Variants in CEP120 observed in about 807,000 individuals in gnomAD.
CEP120 encodes centrosomal protein 120, also known as centrosomal protein of 120 kDa.
CEP120 carries 113 observed loss-of-function variants against 126.5 expected under a neutral mutation model. The observed-to-expected ratio is 0.89, with a 90% CI of 0.77 to 1.04. The LOEUF (loss-of-function observed/expected upper bound fraction) is 1.04. CEP120 is among the 50% of genes least tolerant of loss of function. The pLI is 0.00. For synonymous variants in CEP120, 400 were observed against 394.3 expected (o/e 1.01, Z -0.17); for missense variants, 1,230 against 1,155.7 (o/e 1.06, Z -0.93).
Position 123,391,376 on chromosome 5 carries a change from T to C in CEP120, c.811-39A>G. The C allele has an allele frequency of 8.0e-6, 11 of 1,382,084 alleles. No homozygotes were observed. The Middle Eastern group carries it at 7.3e-4, about 92-fold the overall frequency. 85.6% of individuals were successfully genotyped at this position (1,382,084 alleles called of 1,614,324 possible). On this transcript the variant is annotated intron_variant, in intron 6 of 19. Coordinates refer to ENST00000306467, the MANE Select transcript of CEP120 (RefSeq NM_001375405.1). ...GAAAAATCAAAATAGGGCTTTATAC[T>C]TTCTCCTTTCTCCTAAATATCATAA...
At position 123,346,326 on chromosome 5, in the gene CEP120, CAAAT is replaced by C; in HGVS notation, c.*189_*192del. Reference sequence around the variant, plus strand: ...AAAATGAGTATATAAATGCAAATTACAAATAAAACCAGTGTGGGAGAGGTAGCAT... The same window carrying C: ...AAAATGAGTATATAAATGCAAATTACAAAACCAGTGTGGGAGAGGTAGCAT... On this transcript the variant is annotated 3_prime_UTR_variant, in exon 20 of 20. Coordinates refer to ENST00000306467, the MANE Select transcript of CEP120 (RefSeq NM_001375405.1). 1 of 449,240 alleles carries C rather than the reference CAAAT, an allele frequency of 2.2e-6. No individual in the cohort carries two copies. Among genetic ancestry groups the C allele is most frequent in the Non-Finnish European group, 3.9e-6 (1 of 256,608 alleles). The allele number at this position is 449,240 out of a possible 1,614,324, so 27.8% of individuals were successfully genotyped here. A position where few individuals can be genotyped will look rare whatever the true frequency, so the allele number is the denominator to read the frequency against.
intron 13 of CEP120, 137 bp from the exon 14 acceptor site, chr5:123,382,337 A>T: frequency 2.3e-6 from 1 of 434,804 alleles, no homozygotes; most frequent in African/African-American, 2.1e-5. Context: ...AAAAAAAAAA[A>T]AAAAAAAAGG....
In CEP120 at chr5:123,377,549, C is replaced by T. The variant is rs564610660; in HGVS notation, c.2197-14G>A. The T allele has an allele frequency of 1.2e-4, 187 of 1,567,390 alleles. 2 individuals are homozygous for T. The South Asian group carries it at 2.2e-3, about 18-fold the overall frequency. On this transcript the variant is annotated splice_polypyrimidine_tract_variant and intron_variant, in intron 15 of 19. Coordinates refer to ENST00000306467, the MANE Select transcript of CEP120 (RefSeq NM_001375405.1). Reference sequence around the variant, plus strand: ...TTCTCTTTGAAGCTTAAAACAAAGGCATCTTTAAGAGGTTGGTTTATTGCT... The same window carrying T: ...TTCTCTTTGAAGCTTAAAACAAAGGTATCTTTAAGAGGTTGGTTTATTGCT...
Position 123,386,995 on chromosome 5 carries a change from G to C in CEP120, c.1431-328C>G, listed in dbSNP as rs191806966. Among the ~76,000 whole-genome samples, 157 of 152,160 alleles carry C rather than the reference G, an allele frequency of 1.0e-3. 2 individuals are homozygous for C. The highest frequency in any genetic ancestry group is 3.4e-3 in the African/African-American group (142 of 41,538). On this transcript the variant is annotated intron_variant, in intron 9 of 19. Transcript: ENST00000306467. ...TTTTTTATGGGATAAAAAGCCCTTA[G>C]TCAACTCCAAAAGGATGCATTCATG...
At chr5:123,370,700 C>T (rs1770795025) in intron 17 of CEP120, among the ~76,000 whole-genome samples, 1 of 147,852 alleles carries the variant, frequency 6.8e-6, no homozygotes, top group African/African-American at 2.5e-5. Flanking sequence ...TATATATACA[C>T]ATATATACCT....
chr5:123,355,228 T>C (rs1450555854), intron 18 of CEP120, among the ~76,000 whole-genome samples: 1 of 152,178 alleles, frequency 6.6e-6, no homozygotes, highest in Non-Finnish European at 1.5e-5. Flanking sequence ...CTATTGTGAA[T>C]AGTGCCACAA....
rs573917739 is a variant in CEP120, at chr5:123,376,484, G to A, written c.2358+890C>T. Reference sequence around the variant, plus strand: ...GCCTGCAGGACAAGGCAATGATTCTGATCTTTTTCCTATGAGCAACAAGAC... The same window carrying A: ...GCCTGCAGGACAAGGCAATGATTCTAATCTTTTTCCTATGAGCAACAAGAC... On this transcript the variant is annotated intron_variant, in intron 16 of 19. Coordinates refer to ENST00000306467, the MANE Select transcript of CEP120 (RefSeq NM_001375405.1). Among the ~76,000 whole-genome samples, 45 of 152,232 alleles carry A rather than the reference G, an allele frequency of 3.0e-4. No homozygotes were observed. The South Asian group carries it at 9.1e-3, about 31-fold the overall frequency.
At chr5:123,407,973 CAA>C (rs1174444515) in intron 4 of CEP120, among the ~76,000 whole-genome samples, 1 of 152,050 alleles carries the variant, frequency 6.6e-6, no homozygotes, top group Non-Finnish European at 1.5e-5. Context: ...AAAAAAATCT[CAA>C]GAGAAATTTA....
chr5:123,372,974 T>G (rs1406864909), intron 16 of CEP120, among the ~76,000 whole-genome samples: 3 of 152,076 alleles, frequency 2.0e-5, no homozygotes, highest in African/African-American at 7.2e-5. Context: ...CAAAAACTTT[T>G]GAAGAGTATG....
At chr5:123,405,149 A>C (rs1039856230) in intron 4 of CEP120, among the ~76,000 whole-genome samples, 3 of 152,226 alleles carry the variant, frequency 2.0e-5, no homozygotes, top group African/African-American at 7.2e-5. Context: ...AAAACTAAGG[A>C]AACAGACAGG....
rs1745174416 is a variant in CEP120 at position 123,372,900 on chromosome 5, TA to T, written c.2359-129del. Reference sequence around the variant, plus strand: ...CATAGTAGAAAATCTGGAAAACTGATAAAGTACAATGAGGAAAATAAAGATC... The same window carrying T: ...CATAGTAGAAAATCTGGAAAACTGATAAGTACAATGAGGAAAATAAAGATC... On this transcript the variant is annotated intron_variant, in intron 16 of 19. Transcript: ENST00000306467. 1.6e-5 allele frequency: 11 copies of T among 692,510 alleles called. No homozygotes were observed. The East Asian group carries it at 3.3e-4, about 21-fold the overall frequency. The allele number at this position is 692,510 out of a possible 1,614,324, so 42.9% of individuals were successfully genotyped here. A position where few individuals can be genotyped will look rare whatever the true frequency, so the allele number is the denominator to read the frequency against.
chr5:123,360,653 G>A (rs1770005130), intron 18 of CEP120, among the ~76,000 whole-genome samples: 1 of 57,278 alleles, frequency 1.7e-5, no homozygotes, highest in Admixed American at 1.8e-4. Context: ...TGCTTTTTGG[G>A]CAAGAGGGTA....
intron 17 of CEP120, among the ~76,000 whole-genome samples, chr5:123,370,185 T>G (rs1217513603): frequency 6.6e-6 from 1 of 152,034 alleles, no homozygotes; most frequent in Non-Finnish European, 1.5e-5. Flanking sequence ...TAGGTTGCAT[T>G]ATGGTAGCTC....
At chr5:123,365,779 A>C (rs1770414008) in intron 17 of CEP120, among the ~76,000 whole-genome samples, 1 of 151,538 alleles carries the variant, frequency 6.6e-6, no homozygotes, top group Non-Finnish European at 1.5e-5. Flanking sequence ...GAAAAGAAAA[A>C]AATATTTTTA....
intron 8 of CEP120, among the ~76,000 whole-genome samples, chr5:123,389,561 C>T (rs977498614): frequency 3.3e-5 from 5 of 152,280 alleles, no homozygotes; most frequent in South Asian, 4.1e-4. Flanking sequence ...AGTGCAATGG[C>T]GCGATCTTGG....
At chr5:123,393,062 C>A (rs1772511988) in intron 6 of CEP120, among the ~76,000 whole-genome samples, 1 of 152,006 alleles carries the variant, frequency 6.6e-6, no homozygotes, top group South Asian at 2.1e-4. Context: ...AACTGATATA[C>A]CTCTTTTCTC....
chr5:123,382,082 C>G, intron 14 of CEP120, 29 bp downstream of exon 14: 4 of 1,392,274 alleles, frequency 2.9e-6, no homozygotes, highest in Non-Finnish European at 4.0e-6. Context: ...ATTCTTCCTT[C>G]TCTTCCTCAC....
At chr5:123,417,740 G>C (rs1010441774) in intron 2 of CEP120, among the ~76,000 whole-genome samples, 3 of 150,670 alleles carry the variant, frequency 2.0e-5, no homozygotes, top group African/African-American at 7.3e-5. Context: ...AAACAGCTCA[G>C]TGTAAGTGTA....
chr5:123,364,434 A>T, intron 18 of CEP120, 62 bp downstream of exon 18: 1 of 1,094,296 alleles, frequency 9.1e-7, no homozygotes, highest in Non-Finnish European at 1.3e-6. Context: ...ATTGCCAAAC[A>T]TACGAATTTG....
Sources: allele counts gnomAD v4.1 joint callset (sites outside exome capture counted in the v4.1 genomes callset), GRCh38; gene constraint gnomAD v4.1.1; transcripts MANE v1.5; gene names NCBI Gene and HGNC (gene_info 2026-07-23, HGNC 2026-07-21).